MYOCOS: variants seen among roughly 807,000 people sequenced by gnomAD.
MYOCOS encodes myocilin opposite strand protein.
chr1:171,624,180 T>A (rs1348562149), intron 2 of MYOCOS, among the ~76,000 whole-genome samples: 1 of 152,140 alleles, frequency 6.6e-6, no homozygotes, highest in African/African-American at 2.4e-5. Flanking sequence ...CTTCAAGGGG[T>A]GATGACACCC....
chr1:171,611,716 A>C (rs1403072012), intron 1 of MYOCOS, among the ~76,000 whole-genome samples: 20 of 152,176 alleles, frequency 1.3e-4, no homozygotes. Context: ...TATGGGTTGC[A>C]GCAGTATTCC....
At chr1:171,607,750 T>A (rs235896) in intron 1 of MYOCOS, among the ~76,000 whole-genome samples, 98,937 of 152,036 alleles carry the variant, frequency 0.65, 32,481 homozygotes, top group African/African-American at 0.74. Context: ...AACTCCAAAT[T>A]GTAATCATTT....
At chr1:171,610,915 A>C (rs1431195743) in intron 1 of MYOCOS, among the ~76,000 whole-genome samples, 1 of 152,198 alleles carries the variant, frequency 6.6e-6, no homozygotes, top group Non-Finnish European at 1.5e-5. Context: ...AATACATGTC[A>C]ATTCTAGTCA....
At chr1:171,611,751 C>CATCCAAAGAGGCCTGGT (rs1652354894) in intron 1 of MYOCOS, among the ~76,000 whole-genome samples, 1 of 152,118 alleles carries the variant, frequency 6.6e-6, no homozygotes, top group African/African-American at 2.4e-5. Flanking sequence ...GCTACCTCAG[C>CATCCAAAGAGGCCTGGT]ATCCAAAGAG....
At chr1:171,613,740 G>A (rs1652397273) in intron 1 of MYOCOS, among the ~76,000 whole-genome samples, 1 of 152,030 alleles carries the variant, frequency 6.6e-6, no homozygotes, top group Non-Finnish European at 1.5e-5. Context: ...TAGCTATAGG[G>A]TCTCACTATG....
intron 2 of MYOCOS, among the ~76,000 whole-genome samples, chr1:171,625,862 C>T (rs935390205): frequency 6.6e-6 from 1 of 152,038 alleles, no homozygotes; most frequent in Non-Finnish European, 1.5e-5. Context: ...CCTAAGATAC[C>T]CTTGGAGGAT....
intron 1 of MYOCOS, among the ~76,000 whole-genome samples, chr1:171,611,657 C>G (rs1355729197): frequency 6.6e-6 from 1 of 152,258 alleles, no homozygotes; most frequent in Middle Eastern, 3.4e-3. Flanking sequence ...AGGGTCCTTT[C>G]CTGCTCTAAT....
chr1:171,604,414 A>G (rs184601190), intron 1 of MYOCOS: 2 of 152,340 alleles, frequency 1.3e-5, no homozygotes, highest in East Asian at 3.9e-4. Flanking sequence ...ATTATTTTAT[A>G]GTTATTATAA....
chr1:171,620,149 A>G (rs1397748262), upstream of MYOCOS, among the ~76,000 whole-genome samples: 2 of 150,584 alleles, frequency 1.3e-5, no homozygotes, highest in African/African-American at 4.9e-5. Context: ...AGAGAACCCT[A>G]ATACAGGAGG....
intron 1 of MYOCOS, among the ~76,000 whole-genome samples, chr1:171,609,612 G>A (rs565340010): frequency 6.6e-6 from 1 of 152,294 alleles, no homozygotes; most frequent in South Asian, 2.1e-4. Flanking sequence ...TTGCTGTGTA[G>A]CATATTACCC....
chr1:171,601,533 A>G (rs1194883857), intron 1 of MYOCOS, among the ~76,000 whole-genome samples: 1 of 151,948 alleles, frequency 6.6e-6, no homozygotes, highest in East Asian at 1.9e-4. Context: ...CCCACTGGGA[A>G]CTATGTTAAA....
At chr1:171,621,343 C>T (rs186303477), upstream of MYOCOS, among the ~76,000 whole-genome samples, 21 of 147,946 alleles carry the variant, frequency 1.4e-4, no homozygotes, top group East Asian at 4.0e-3. Context: ...TACACCTTAT[C>T]TTCCCAAGCA....
upstream of MYOCOS, among the ~76,000 whole-genome samples, chr1:171,621,573 C>T (rs1241991943): frequency 6.6e-6 from 1 of 151,952 alleles, no homozygotes; most frequent in South Asian, 2.1e-4. Flanking sequence ...GACGGGGTTT[C>T]GCCGTGTTAG....
At chr1:171,614,257 T>C (rs1008877560) in intron 1 of MYOCOS, among the ~76,000 whole-genome samples, 1 of 152,074 alleles carries the variant, frequency 6.6e-6, no homozygotes, top group African/African-American at 2.4e-5. Flanking sequence ...ACAAATGGTG[T>C]TAGGTCAAGT....
At chr1:171,609,755 C>T (rs1261342366) in intron 1 of MYOCOS, among the ~76,000 whole-genome samples, 1 of 152,204 alleles carries the variant, frequency 6.6e-6, no homozygotes. Flanking sequence ...CCCTCCTCAG[C>T]CTCCCAAAGT....
At chr1:171,608,052 G>A (rs235897) in intron 1 of MYOCOS, among the ~76,000 whole-genome samples, 36,079 of 152,076 alleles carry the variant, frequency 0.24, 5,287 homozygotes, top group African/African-American at 0.42. Flanking sequence ...AGACTTATTC[G>A]CTACCACGAC....
intron 1 of MYOCOS, 136 bp from the exon 2 acceptor site, chr1:171,623,705 G>A: frequency 5.1e-6 from 2 of 395,450 alleles, no homozygotes; most frequent in Non-Finnish European, 8.9e-6. Context: ...GAAGGGGGAT[G>A]AAGGCCAGGC....
intron 1 of MYOCOS, chr1:171,604,335 T>C (rs1164161367): frequency 6.6e-6 from 1 of 152,176 alleles, no homozygotes; most frequent in Non-Finnish European, 1.5e-5. Flanking sequence ...CTGACCTTCC[T>C]CAGACTGAGG....
At chr1:171,624,814 G>A (rs1020745030) in intron 2 of MYOCOS, among the ~76,000 whole-genome samples, 1 of 152,018 alleles carries the variant, frequency 6.6e-6, no homozygotes, top group Admixed American at 6.6e-5. Context: ...AAACTCCTGG[G>A]CTCAAGTGGT....
Sources: allele counts gnomAD v4.1 joint callset (sites outside exome capture counted in the v4.1 genomes callset), GRCh38; gene constraint gnomAD v4.1.1; transcripts MANE v1.5; gene names NCBI Gene and HGNC (gene_info 2026-07-23, HGNC 2026-07-21).